ADAMTS17: variants seen among roughly 807,000 people sequenced by gnomAD.
ADAMTS17 encodes A disintegrin and metalloproteinase with thrombospondin motifs 17.
ADAMTS17 carries 113 observed loss-of-function variants against 141.5 expected under a neutral mutation model. The observed-to-expected ratio is 0.80, with a 90% CI of 0.69 to 0.93. The LOEUF (loss-of-function observed/expected upper bound fraction) is 0.93, where lower values mean the gene tolerates loss of function less well. Ranked by LOEUF, ADAMTS17 falls within the 40% of genes least tolerant of loss-of-function variation. The probability of loss-of-function intolerance (pLI) is 0.00; values close to 1 mark genes in which losing one functional copy is unlikely to be tolerated. For synonymous variants in ADAMTS17, 768 were observed against 630.6 expected (o/e 1.22, Z -3.27); for missense variants, 1,659 against 1,517.9 (o/e 1.09, Z -1.54).
At chr15:100,276,697 AG>A (rs2044109384) in intron 4 of ADAMTS17, among the ~76,000 whole-genome samples, 1 of 152,070 alleles carries the variant, frequency 6.6e-6, no homozygotes, top group African/African-American at 2.4e-5. Context: ...CATGCTCTGG[AG>A]GGAAACAGAT....
At chr15:100,118,317 C>T (rs2037268278) in intron 12 of ADAMTS17, among the ~76,000 whole-genome samples, 1 of 152,282 alleles carries the variant, frequency 6.6e-6, no homozygotes, top group Non-Finnish European at 1.5e-5. Context: ...CTTTTGCCAA[C>T]TCCTGGTCTA....
intron 18 of ADAMTS17, among the ~76,000 whole-genome samples, chr15:100,002,950 C>A (rs2060959413): frequency 6.6e-6 from 1 of 152,046 alleles, no homozygotes; most frequent in South Asian, 2.1e-4. Context: ...AGGTGCAGCC[C>A]ACGGGTGCCG....
chr15:100,250,964 T>C (rs915307010), intron 7 of ADAMTS17, among the ~76,000 whole-genome samples: 17 of 152,260 alleles, frequency 1.1e-4, no homozygotes, highest in Non-Finnish European at 1.0e-4. Flanking sequence ...CCAGTTTTTA[T>C]ATTTTTCTGT....
At chr15:100,263,614 C>T (rs1205058945) in intron 4 of ADAMTS17, among the ~76,000 whole-genome samples, 5 of 152,138 alleles carry the variant, frequency 3.3e-5, no homozygotes, top group African/African-American at 4.8e-5. Context: ...CTGCAGCTGA[C>T]GAGCCCCAGG....
intron 8 of ADAMTS17, among the ~76,000 whole-genome samples, chr15:100,187,326 C>A (rs2040754933): frequency 6.6e-6 from 1 of 152,172 alleles, no homozygotes. Flanking sequence ...CTTCGACTTT[C>A]TTTCCCTTTG....
At chr15:100,309,266 T>A (rs1201135041) in intron 3 of ADAMTS17, among the ~76,000 whole-genome samples, 1 of 151,892 alleles carries the variant, frequency 6.6e-6, no homozygotes, top group Non-Finnish European at 1.5e-5. Flanking sequence ...TGGGGGCGAG[T>A]GTGGGAGGAT....
chr15:100,296,532 A>G (rs1423873863), intron 3 of ADAMTS17, among the ~76,000 whole-genome samples: 1 of 152,208 alleles, frequency 6.6e-6, no homozygotes, highest in East Asian at 1.9e-4. Context: ...AATTCCTTAC[A>G]AAGAAAGGTG....
chr15:100,108,504 C>T (rs2036544092), intron 14 of ADAMTS17, among the ~76,000 whole-genome samples: 2 of 152,158 alleles, frequency 1.3e-5, no homozygotes, highest in African/African-American at 4.8e-5. Flanking sequence ...GTTTTTATCA[C>T]TGTTCTAACC....
intron 3 of ADAMTS17, among the ~76,000 whole-genome samples, chr15:100,289,769 T>A (rs2044569340): frequency 6.6e-6 from 1 of 152,196 alleles, no homozygotes; most frequent in African/African-American, 2.4e-5. Flanking sequence ...CAAAGCCATA[T>A]AATCATCTCA....
chr15:100,006,700 G>T (rs551767738), intron 18 of ADAMTS17, among the ~76,000 whole-genome samples: 1 of 152,332 alleles, frequency 6.6e-6, no homozygotes, highest in South Asian at 2.1e-4. Context: ...AGAAGGCGCT[G>T]GTATCGACTG....
At chr15:100,118,178 T>G (rs2037258655) in intron 12 of ADAMTS17, among the ~76,000 whole-genome samples, 1 of 152,208 alleles carries the variant, frequency 6.6e-6, no homozygotes, top group Non-Finnish European at 1.5e-5. Flanking sequence ...CCAAATAGTC[T>G]CCAACCACTC....
At chr15:100,165,109 T>C (rs1000832330) in intron 8 of ADAMTS17, among the ~76,000 whole-genome samples, 3 of 152,216 alleles carry the variant, frequency 2.0e-5, no homozygotes, top group African/African-American at 7.2e-5. Flanking sequence ...CATTGGACTA[T>C]AGGGCTGAAG....
intron 6 of ADAMTS17, among the ~76,000 whole-genome samples, chr15:100,257,427 C>A (rs2043364367): frequency 6.6e-6 from 1 of 152,234 alleles, no homozygotes; most frequent in Admixed American, 6.5e-5. Flanking sequence ...ACGGGACGTG[C>A]ACTGATCTGT....
At chr15:100,173,553 A>C (rs1180887511) in intron 8 of ADAMTS17, among the ~76,000 whole-genome samples, 7 of 152,200 alleles carry the variant, frequency 4.6e-5, no homozygotes, top group Admixed American at 4.6e-4. Context: ...CCAAAAGGGA[A>C]GCAATACCCT....
At chr15:100,138,839 T>G (rs1384829736) in intron 10 of ADAMTS17, among the ~76,000 whole-genome samples, 1 of 152,230 alleles carries the variant, frequency 6.6e-6, no homozygotes, top group Non-Finnish European at 1.5e-5. Flanking sequence ...GATTACACCC[T>G]CGTGTGACCC....
intron 20 of ADAMTS17, among the ~76,000 whole-genome samples, chr15:99,985,640 C>T (rs2060570761): frequency 6.6e-6 from 1 of 152,134 alleles, no homozygotes; most frequent in Non-Finnish European, 1.5e-5. Flanking sequence ...GGAATCTAAG[C>T]CTCTGACATG....
chr15:100,273,967 T>G (rs2043996712), intron 4 of ADAMTS17, among the ~76,000 whole-genome samples: 1 of 152,216 alleles, frequency 6.6e-6, no homozygotes, highest in Admixed American at 6.5e-5. Context: ...GTGGTTTAAT[T>G]TCTACAAATT....
chr15:100,223,079 A>AG (rs1050217885), intron 7 of ADAMTS17, among the ~76,000 whole-genome samples: 1 of 152,186 alleles, frequency 6.6e-6, no homozygotes, highest in African/African-American at 2.4e-5. Context: ...GGAACATTTC[A>AG]GTTTTCTCTT....
chr15:100,070,778 C>A (rs987377411), intron 15 of ADAMTS17, among the ~76,000 whole-genome samples: 9 of 149,200 alleles, frequency 6.0e-5, no homozygotes, highest in African/African-American at 2.2e-4. Flanking sequence ...TAAATGCCCA[C>A]AAGAGAAAGC....
Sources: allele counts gnomAD v4.1 joint callset (sites outside exome capture counted in the v4.1 genomes callset), GRCh38; gene constraint gnomAD v4.1.1; transcripts MANE v1.5; gene names NCBI Gene and HGNC (gene_info 2026-07-23, HGNC 2026-07-21).